The following SCRN1 variants were observed in gnomAD, a reference collection of about 807,000 sequenced individuals.
SCRN1 encodes secernin-1.
Under a neutral mutation model 43.3 loss-of-function variants are expected in SCRN1, and 19 were observed. The observed-to-expected ratio is 0.44, with a 90% CI of 0.31 to 0.64. SCRN1 has a LOEUF of 0.64. SCRN1 is among the 30% of genes least tolerant of loss of function. The probability of loss-of-function intolerance (pLI) is 0.09; values close to 1 mark genes in which losing one functional copy is unlikely to be tolerated. For synonymous variants in SCRN1, 183 were observed against 188.9 expected (o/e 0.97, Z 0.26); for missense variants, 447 against 524.1 (o/e 0.85, Z 1.44).
rs765928088 is a variant in SCRN1 at position 29,921,643 on chromosome 7, A to G, written c.*2314T>C. The G allele has an allele frequency of 6.6e-6, 1 of 152,192 alleles. No homozygotes were observed. The highest frequency in any genetic ancestry group is 1.5e-5 in the Non-Finnish European group (1 of 68,044). The allele number at this position is 152,192 out of a possible 1,614,324, so 9.4% of individuals were successfully genotyped here. ...CTAGTGGTAGGACTAGGACATCACA[A>G]TTGTGGTGCAGAGTATTAGCCAAGA... On this transcript the variant is annotated 3_prime_UTR_variant, in exon 8 of 8. Transcript: ENST00000242059.
At chr7:29,982,262 C>A (rs1486801140) in intron 1 of SCRN1, among the ~76,000 whole-genome samples, 1 of 152,160 alleles carries the variant, frequency 6.6e-6, no homozygotes, top group Non-Finnish European at 1.5e-5. Flanking sequence ...AAGCATTCAC[C>A]ATGTGCTTAA....
rs747412278 is a variant in SCRN1, at chr7:29,943,877, C to T, written c.544+100G>A. ...AGTCCCACACAGAGAGGACCTGCAA[C>T]GGCACGTCTTTCTTCCAGGTCTGAC... On this transcript the variant is annotated intron_variant, in intron 4 of 7. Coordinates refer to ENST00000242059, the MANE Select transcript of SCRN1 (RefSeq NM_014766.5). The T allele has an allele frequency of 1.3e-4, 145 of 1,102,784 alleles. 1 individual carries two copies. Among genetic ancestry groups the T allele is most frequent in the Non-Finnish European group, 1.6e-4 (117 of 727,774 alleles). 68.3% of individuals were successfully genotyped at this position (1,102,784 alleles called of 1,614,324 possible). A position where few individuals can be genotyped will look rare whatever the true frequency, so the allele number is the denominator to read the frequency against.
rs1310678479 is a variant in SCRN1, at chr7:29,940,627, C to T, written c.739+55G>A. The T allele has an allele frequency of 4.7e-6, 7 of 1,489,740 alleles. No homozygotes were observed. The East Asian group carries it at 1.7e-4, about 37-fold the overall frequency. The allele number at this position is 1,489,740 out of a possible 1,614,324, so 92.3% of individuals were successfully genotyped here. ...CTAAGTTCAGACAAGTTCTCAGAAACAGCTGCAAGAGAAAGGGTATGAGAA... is the reference window on the plus strand; with the variant it reads ...CTAAGTTCAGACAAGTTCTCAGAAATAGCTGCAAGAGAAAGGGTATGAGAA... On this transcript the variant is annotated intron_variant, in intron 5 of 7. Coordinates refer to ENST00000242059, the MANE Select transcript of SCRN1 (RefSeq NM_014766.5).
chr7:29,937,376 C>T (rs76318757), intron 5 of SCRN1, among the ~76,000 whole-genome samples: 3,103 of 152,290 alleles, frequency 0.02, 48 homozygotes, highest in East Asian at 0.068. Flanking sequence ...AATGGAATTC[C>T]TGTGTTGAGT....
chr7:29,962,316 T>C (rs1365114646), intron 2 of SCRN1, among the ~76,000 whole-genome samples: 1 of 149,668 alleles, frequency 6.7e-6, no homozygotes, highest in East Asian at 2.0e-4. Flanking sequence ...AGGGTTATAT[T>C]CTCAGAAAAT....
chr7:29,975,491 A>C (rs1285587691), intron 1 of SCRN1, among the ~76,000 whole-genome samples: 2 of 152,194 alleles, frequency 1.3e-5, no homozygotes, highest in Admixed American at 1.3e-4. Flanking sequence ...GTGGTTTATG[A>C]AATCAATTTA....
intron 1 of SCRN1, among the ~76,000 whole-genome samples, chr7:29,979,062 T>C (rs796359146): frequency 1.2e-4 from 18 of 152,330 alleles, no homozygotes; most frequent in African/African-American, 4.3e-4. Context: ...GTTTCCCAAT[T>C]TTTTTATGTC....
rs751324832 is a variant in SCRN1, at chr7:29,981,182, TA to T, written c.-2+8459del. Among the ~76,000 whole-genome samples the T allele has an allele frequency of 9.5e-3, 1,264 of 132,374 alleles. 22 individuals are homozygous for T. Among genetic ancestry groups the T allele is most frequent in the Admixed American group, 0.039 (518 of 13,392 alleles). 86.8% of individuals were successfully genotyped at this position (132,374 alleles called of 152,430 possible). A position where few individuals can be genotyped will look rare whatever the true frequency, so the allele number is the denominator to read the frequency against. ...GTCACTAAGGCACTGCTAAGTGCAA[TA>T]AAAAAAAAAAAATACACTAAAGCTT... is the stretch of plus-strand genomic sequence containing the variant. On this transcript the variant is annotated intron_variant, in intron 1 of 7. Coordinates refer to ENST00000242059, the MANE Select transcript of SCRN1 (RefSeq NM_014766.5).
intron 2 of SCRN1, among the ~76,000 whole-genome samples, chr7:29,957,580 C>A (rs951531809): frequency 1.3e-5 from 2 of 152,164 alleles, no homozygotes; most frequent in African/African-American, 4.8e-5. Context: ...ACTGACATGC[C>A]CCAAGTCTGG....
rs546115263 is a variant in SCRN1 at position 29,961,174 on chromosome 7, G to A, written c.160-5814C>T. ...GGAGGGAAGGTCAGCAGATAAACAA[G>A]TGAACAAAGGTCTCTGGTTTTCCTA... is the stretch of plus-strand genomic sequence containing the variant. On this transcript the variant is annotated intron_variant, in intron 2 of 7. Coordinates refer to ENST00000242059, the MANE Select transcript of SCRN1 (RefSeq NM_014766.5). 6.9e-3 allele frequency among the ~76,000 whole-genome samples: 980 copies of A among 141,364 alleles called. 10 individuals carry two copies. The highest frequency in any genetic ancestry group is 0.025 in the African/African-American group (945 of 38,080). The allele number at this position is 141,364 out of a possible 152,430, so 92.7% of individuals were successfully genotyped here. A position where few individuals can be genotyped will look rare whatever the true frequency, so the allele number is the denominator to read the frequency against.
At chr7:29,932,497 A>T (rs7456975) in intron 6 of SCRN1, among the ~76,000 whole-genome samples, 1 of 151,574 alleles carries the variant, frequency 6.6e-6, no homozygotes, top group South Asian at 2.1e-4. Context: ...TACTAAAAAT[A>T]AAAAATTAGC....
upstream of SCRN1, chr7:29,990,141 C>T (rs1789322064): frequency 6.4e-7 from 1 of 1,551,456 alleles, no homozygotes; most frequent in South Asian, 1.2e-5. Context: ...CGGGCCTCGG[C>T]GCCCACACAA....
chr7:29,979,527 T>C (rs1404659886), intron 1 of SCRN1, among the ~76,000 whole-genome samples: 1 of 152,166 alleles, frequency 6.6e-6, no homozygotes, highest in Non-Finnish European at 1.5e-5. Context: ...AAAATAATAG[T>C]GTAGATACAT....
chr7:29,973,976 A>AGAAAT (rs145790172), intron 1 of SCRN1, among the ~76,000 whole-genome samples: 3,122 of 152,352 alleles, frequency 0.02, 43 homozygotes, highest in East Asian at 0.041. Context: ...AATTGCATGA[A>AGAAAT]GAAATGATTT....
At chr7:29,947,055 C>A in intron 3 of SCRN1, 1 of 969,676 alleles carries the variant, frequency 1.0e-6, no homozygotes, top group Non-Finnish European at 1.5e-6. Context: ...TTCACTTTGG[C>A]TGCTACCCCT....
intron 6 of SCRN1, among the ~76,000 whole-genome samples, chr7:29,927,481 T>C (rs958138244): frequency 6.6e-6 from 1 of 151,724 alleles, no homozygotes; most frequent in Non-Finnish European, 1.5e-5. Flanking sequence ...GAGAGCCTTA[T>C]CCTACCCTCC....
chr7:29,973,652 G>T (rs1279928199), intron 1 of SCRN1, among the ~76,000 whole-genome samples: 3 of 152,212 alleles, frequency 2.0e-5, no homozygotes, highest in Non-Finnish European at 2.9e-5. Flanking sequence ...AGCACTGAAG[G>T]CTTTTAAGTC....
At chr7:29,953,497 C>T (rs917581205) in intron 3 of SCRN1, among the ~76,000 whole-genome samples, 2 of 150,566 alleles carry the variant, frequency 1.3e-5, no homozygotes, top group Non-Finnish European at 3.0e-5. Context: ...ACTGCAAATA[C>T]AGTAAAAAAT....
chr7:29,988,115 T>C (rs1789218873), intron 1 of SCRN1, among the ~76,000 whole-genome samples: 1 of 152,254 alleles, frequency 6.6e-6, no homozygotes, highest in Admixed American at 6.5e-5. Context: ...GGGTGCTTCC[T>C]CGTGTCGCTA....
Sources: allele counts gnomAD v4.1 joint callset (sites outside exome capture counted in the v4.1 genomes callset), GRCh38; gene constraint gnomAD v4.1.1; transcripts MANE v1.5; gene names NCBI Gene and HGNC (gene_info 2026-07-23, HGNC 2026-07-21).